CCDC175: variants seen among roughly 807,000 people sequenced by gnomAD.
CCDC175 encodes the protein coiled-coil domain containing 175, also known as coiled-coil domain-containing protein 175.
In CCDC175, 100 loss-of-function variants were observed where a neutral mutation model predicts 114.6. That is an observed-to-expected ratio of 0.87 (90% CI 0.74 to 1.03). The LOEUF (loss-of-function observed/expected upper bound fraction) is 1.03. Ranked by LOEUF, CCDC175 falls within the 50% of genes least tolerant of loss-of-function variation. The probability of loss-of-function intolerance (pLI) is 0.00; values close to 1 mark genes in which losing one functional copy is unlikely to be tolerated. For synonymous variants in CCDC175, 306 were observed against 308.7 expected, an observed-to-expected ratio of 0.99 and a Z score of 0.09; for missense variants, 880 against 917.8, an observed-to-expected ratio of 0.96 and a Z score of 0.53.
chr14:59,576,547 G>T, intron 1 of CCDC175, 72 bp downstream of exon 1: 1 of 1,320,114 alleles, frequency 7.6e-7, no homozygotes, highest in Non-Finnish European at 9.7e-7. Flanking sequence ...CCCCGCTCAG[G>T]GTTCCCGCTG....
chr14:59,508,436 A>ACACACACACT, intron 19 of CCDC175, among the ~76,000 whole-genome samples: 1 of 149,344 alleles, frequency 6.7e-6, no homozygotes, highest in South Asian at 2.2e-4. Flanking sequence ...ACACACACAC[A>ACACACACACT]CTGCAGCCAG....
chr14:59,527,223 A>G (rs1460910073), intron 14 of CCDC175, 49 bp from the exon 15 acceptor site: 1 of 1,014,830 alleles, frequency 9.9e-7, no homozygotes, highest in African/African-American at 1.7e-5. Flanking sequence ...TAGTTAAAAA[A>G]TATTAATCAA....
At chr14:59,574,198 T>C (rs993191520) in intron 2 of CCDC175, among the ~76,000 whole-genome samples, 1 of 152,160 alleles carries the variant, frequency 6.6e-6, no homozygotes, top group Non-Finnish European at 1.5e-5. Context: ...TAGTAAGAGT[T>C]TTATCAGCAG....
At chr14:59,539,376 A>C (rs756240403) in intron 11 of CCDC175, among the ~76,000 whole-genome samples, 25 of 148,074 alleles carry the variant, frequency 1.7e-4, no homozygotes, top group Non-Finnish European at 3.0e-4. Flanking sequence ...TCAGGCATTC[A>C]AGACCAGCCT....
At chr14:59,518,968 G>A (rs1893268270) in intron 17 of CCDC175, among the ~76,000 whole-genome samples, 1 of 152,174 alleles carries the variant, frequency 6.6e-6, no homozygotes. Flanking sequence ...CACATATACA[G>A]CATGGAATAC....
chr14:59,542,503 G>T (rs558428395), intron 10 of CCDC175, among the ~76,000 whole-genome samples: 1 of 152,196 alleles, frequency 6.6e-6, no homozygotes. Flanking sequence ...GGTAGAGAGA[G>T]ATATGTTAAC....
intron 7 of CCDC175, among the ~76,000 whole-genome samples, chr14:59,559,369 A>G (rs1335445611): frequency 6.6e-6 from 1 of 152,180 alleles, no homozygotes; most frequent in Non-Finnish European, 1.5e-5. Flanking sequence ...CTGTCGATCT[A>G]TGGAGCATTT....
intron 7 of CCDC175, among the ~76,000 whole-genome samples, chr14:59,557,352 A>C (rs1053978250): frequency 9.2e-5 from 14 of 151,842 alleles, no homozygotes; most frequent in African/African-American, 3.4e-4. Flanking sequence ...CATTCTCAGC[A>C]AACTATCGCA....
At chr14:59,538,623 G>T in intron 12 of CCDC175, 82 bp downstream of exon 12, 1 of 1,140,388 alleles carries the variant, frequency 8.8e-7, no homozygotes, top group Non-Finnish European at 1.2e-6. Flanking sequence ...TTTTTAATAA[G>T]ATAGGATTTA....
At chr14:59,510,578 G>C in intron 19 of CCDC175, 68 bp downstream of exon 19, 1 of 1,456,984 alleles carries the variant, frequency 6.9e-7, no homozygotes, top group Non-Finnish European at 9.3e-7. Flanking sequence ...TTCTTCTTTT[G>C]ATGTTACCAG....
chr14:59,557,526 T>C (rs1045764872), intron 7 of CCDC175, among the ~76,000 whole-genome samples: 2 of 150,008 alleles, frequency 1.3e-5, no homozygotes, highest in African/African-American at 4.9e-5. Flanking sequence ...AATGACGAGT[T>C]AATGGGTGCA....
chr14:59,543,785 G>A (rs963319381), intron 9 of CCDC175, among the ~76,000 whole-genome samples: 1 of 152,070 alleles, frequency 6.6e-6, no homozygotes, highest in Non-Finnish European at 1.5e-5. Context: ...GAGCCACTGT[G>A]CCCAGCATAC....
At chr14:59,523,755 C>T (rs1467077899) in intron 16 of CCDC175, among the ~76,000 whole-genome samples, 1 of 152,048 alleles carries the variant, frequency 6.6e-6, no homozygotes, top group Non-Finnish European at 1.5e-5. Context: ...TATGGGAGGC[C>T]GAGGCGGGCG....
chr14:59,508,355 G>A (rs1022011520), intron 19 of CCDC175, among the ~76,000 whole-genome samples: 3 of 145,810 alleles, frequency 2.1e-5, no homozygotes, highest in African/African-American at 7.7e-5. Context: ...AGCTCAGGAG[G>A]TCAAGACCAG....
chr14:59,519,786 C>T (rs1479873673), intron 17 of CCDC175, among the ~76,000 whole-genome samples: 2 of 152,172 alleles, frequency 1.3e-5, no homozygotes, highest in Admixed American at 6.5e-5. Flanking sequence ...CAACCATTAG[C>T]GTATTGTGAA....
chr14:59,532,007 T>C, intron 13 of CCDC175, 97 bp from the exon 14 acceptor site: 1 of 630,950 alleles, frequency 1.6e-6, no homozygotes, highest in South Asian at 2.2e-5. Context: ...AAGAGTTTCA[T>C]CTGTCTTGGT....
Position 59,540,718 on chromosome 14 carries a change from T to A in CCDC175, c.1312A>T (p.Ile438Phe). The A allele has an allele frequency of 6.5e-7, 1 of 1,533,806 alleles. No homozygotes were observed. The highest frequency in any genetic ancestry group is 8.7e-7 in the Non-Finnish European group (1 of 1,146,100). Reference protein sequence around the residue: ...QATKTVYQQQIKILSANLERE... With the variant: ...QATKTVYQQQFKILSANLERE... The stretch of plus-strand genomic sequence containing the variant: ...TCCAGGTTAGCACTCAGGATTTTGA[T>A]TTGTTGCTGATACACTGTTTTTGTT... The change falls in exon 11 of 20, where the codon ATC becomes TTC. Residue 438 changes from isoleucine (I) to phenylalanine (F), a missense_variant. Ile to Phe is a conservative substitution (Grantham distance 21). Transcript: ENST00000537690.
At chr14:59,533,122 A>G (rs778576402) in intron 13 of CCDC175, among the ~76,000 whole-genome samples, 1 of 152,158 alleles carries the variant, frequency 6.6e-6, no homozygotes, top group Non-Finnish European at 1.5e-5. Flanking sequence ...AGAGACAGAG[A>G]GACTCACACA....
chr14:59,520,480 T>C (rs1893364373), intron 17 of CCDC175, among the ~76,000 whole-genome samples: 1 of 152,210 alleles, frequency 6.6e-6, no homozygotes, highest in Non-Finnish European at 1.5e-5. Context: ...TGCTATATAA[T>C]TCAGCAATTC....
Sources: gnomAD v4.1 joint callset for allele counts (sites outside exome capture counted in the v4.1 genomes callset) on GRCh38, gnomAD v4.1.1 for gene constraint, MANE v1.5 for transcripts, NCBI Gene and HGNC (gene_info 2026-07-23, HGNC 2026-07-21) for gene names.